The following OPA1 variants were observed in gnomAD, a reference collection of about 807,000 sequenced individuals.
OPA1 encodes dynamin-like GTPase OPA1, mitochondrial.
In OPA1, 59 loss-of-function variants were observed where a neutral mutation model predicts 152.9. That is an observed-to-expected ratio of 0.39 (90% CI 0.31 to 0.48). OPA1 has a LOEUF of 0.48. OPA1 is among the 20% of genes least tolerant of loss of function. The probability of loss-of-function intolerance (pLI) is 0.96; values close to 1 mark genes in which losing one functional copy is unlikely to be tolerated. For missense variants in OPA1, 1,008 were observed against 1,216.8 expected, an observed-to-expected ratio of 0.83 and a Z score of 2.55; for synonymous variants, 400 against 389.9, an observed-to-expected ratio of 1.03 and a Z score of -0.31.
At chr3:193,608,493 T>G (rs537413031) in intron 1 of OPA1, among the ~76,000 whole-genome samples, 2 of 152,352 alleles carry the variant, frequency 1.3e-5, no homozygotes, top group East Asian at 3.9e-4. Context: ...GTTGTTCAGT[T>G]TCCATGTAGT....
chr3:193,674,039 C>T (rs940157951), intron 29 of OPA1, among the ~76,000 whole-genome samples: 5 of 152,192 alleles, frequency 3.3e-5, no homozygotes, highest in Non-Finnish European at 5.9e-5. Flanking sequence ...GAGTCGGGCT[C>T]GCAGCAGCGT....
chr3:193,640,253 G>T (rs1329199407), intron 11 of OPA1, among the ~76,000 whole-genome samples: 1 of 152,124 alleles, frequency 6.6e-6, no homozygotes, highest in African/African-American at 2.4e-5. Context: ...AGTATATTCT[G>T]GGCACTCTGA....
chr3:193,605,304 T>C (rs1450850802), intron 1 of OPA1, among the ~76,000 whole-genome samples: 1 of 152,192 alleles, frequency 6.6e-6, no homozygotes, highest in African/African-American at 2.4e-5. Context: ...TAATTGCCTG[T>C]AAATCTGGAA....
chr3:193,608,929 G>A (rs1372065115), intron 1 of OPA1, among the ~76,000 whole-genome samples: 4 of 152,154 alleles, frequency 2.6e-5, no homozygotes, highest in Non-Finnish European at 5.9e-5. Context: ...AGCTCTTCTT[G>A]TTGAATTGAT....
chr3:193,677,033 G>A (rs996762363), intron 29 of OPA1, among the ~76,000 whole-genome samples: 4 of 141,958 alleles, frequency 2.8e-5, no homozygotes, highest in Non-Finnish European at 6.1e-5. Context: ...CAATAAATTA[G>A]TACAAGCGTA....
At chr3:193,618,577 G>T (rs1269013100) in intron 5 of OPA1, 2 of 368,224 alleles carry the variant, frequency 5.4e-6, no homozygotes, top group South Asian at 2.9e-5. Context: ...GTACTCTCAT[G>T]TAAAATAATC....
chr3:193,602,807 CT>C lies in OPA1; in HGVS notation c.32+9399del, dbSNP rs145601755. Among the ~76,000 whole-genome samples the C allele has an allele frequency of 7.2e-3, 1,104 of 152,308 alleles. 8 individuals are homozygous for C. Among genetic ancestry groups the C allele is most frequent in the African/African-American group, 0.021 (892 of 41,570 alleles). ...AACTTGCTCAGTAAAATGAGTTCCT[CT>C]ATCACTGGAGACTTTTAGAGGGATC... On this transcript the variant is annotated intron_variant, in intron 1 of 30. Transcript: ENST00000361510.
In OPA1 at chr3:193,614,776, C is replaced by A; in HGVS notation, c.86C>A (p.Pro29Gln). The A allele has an allele frequency of 1.2e-6, 2 of 1,614,012 alleles. No individual in the cohort carries two copies. The highest frequency in any genetic ancestry group is 1.7e-6 in the Non-Finnish European group (2 of 1,179,936). Residue 29 changes from proline (P) to glutamine (Q), a missense_variant, in exon 2 of 31, where the codon CCA (proline) becomes CAA (glutamine). Transcript: ENST00000361510. ...AGCTCTGGAATAAAAGGAAGTTTAC[C>A]ACTACAAAAACTACATCTGGTTTCA... The part of the protein sequence containing the change: ...KHSSGIKGSL[P>Q]LQKLHLVSRS...
At chr3:193,655,106 C>G in intron 22 of OPA1, 79 bp downstream of exon 22, 1 of 1,274,570 alleles carries the variant, frequency 7.8e-7, no homozygotes, top group South Asian at 1.2e-5. Context: ...ATTTTATTCC[C>G]ATCACAGCCT....
intron 1 of OPA1, among the ~76,000 whole-genome samples, chr3:193,599,429 C>A (rs569861638): frequency 1.2e-3 from 166 of 139,248 alleles, no homozygotes; most frequent in African/African-American, 4.4e-3. Context: ...TTTTGGTTTT[C>A]TTTTTGGTTT....
chr3:193,654,765 T>C (rs1713393679), intron 21 of OPA1, 97 bp from the exon 22 acceptor site: 13 of 1,273,854 alleles, frequency 1.0e-5, no homozygotes, highest in Admixed American at 2.0e-5. Flanking sequence ...ATTTTAAATA[T>C]GTACAGTTTA....
At chr3:193,666,238 C>T (rs777337316) in intron 27 of OPA1, 58 bp from the exon 28 acceptor site, 31 of 1,432,646 alleles carry the variant, frequency 2.2e-5, no homozygotes, top group Middle Eastern at 1.7e-4. Context: ...TATGTGTTTA[C>T]GATGATAGTT....
In OPA1 at chr3:193,637,403, A is replaced by G. The variant is rs1397467776; in HGVS notation, c.1035+122A>G. On this transcript the variant is annotated intron_variant, in intron 10 of 30. Coordinates refer to ENST00000361510, the MANE Select transcript of OPA1 (RefSeq NM_130837.3). ...ATACATACTAGATGTAGGCATTTAT[A>G]TTTTTTATGTAATCTTACATGTTCC... The G allele has an allele frequency of 3.5e-5, 19 of 537,134 alleles. No individual in the cohort carries two copies. In the East Asian group the frequency reaches 5.2e-4, roughly 15 times the overall value. The allele number at this position is 537,134 out of a possible 1,614,324, so 33.3% of individuals were successfully genotyped here.
intron 21 of OPA1, among the ~76,000 whole-genome samples, chr3:193,652,604 A>C (rs1417789354): frequency 6.6e-6 from 1 of 152,192 alleles, no homozygotes; most frequent in Admixed American, 6.5e-5. Context: ...ACTGCTGAAT[A>C]GCTTCATCTC....
chr3:193,596,964 A>C (rs944827717), intron 1 of OPA1: 1 of 152,252 alleles, frequency 6.6e-6, no homozygotes, highest in Non-Finnish European at 1.5e-5. Context: ...CCACACTGAG[A>C]TCAAATAAGT....
chr3:193,673,773 C>A (rs1299225516), intron 29 of OPA1, among the ~76,000 whole-genome samples: 1 of 152,190 alleles, frequency 6.6e-6, no homozygotes, highest in Non-Finnish European at 1.5e-5. Context: ...CTGAATACTT[C>A]AGAGCTGTAT....
At chr3:193,681,401 T>C (rs1044005519) in intron 29 of OPA1, among the ~76,000 whole-genome samples, 39 of 152,202 alleles carry the variant, frequency 2.6e-4, no homozygotes, top group African/African-American at 8.2e-4. Context: ...AGCTTACATA[T>C]ATCCTACGCA....
chr3:193,596,124 C>T (rs1189886983), intron 1 of OPA1, among the ~76,000 whole-genome samples: 2 of 151,836 alleles, frequency 1.3e-5, no homozygotes, highest in South Asian at 4.1e-4. Flanking sequence ...ATTCCGCCCC[C>T]ATCCTCCCAC....
At chr3:193,663,471 A>G (rs536042308) in intron 26 of OPA1, among the ~76,000 whole-genome samples, 19 of 152,114 alleles carry the variant, frequency 1.2e-4, no homozygotes, top group Non-Finnish European at 1.3e-4. Flanking sequence ...AAAATAGTCT[A>G]CACTTTAGGC....
Sources: gnomAD v4.1 joint callset for allele counts (sites outside exome capture counted in the v4.1 genomes callset) on GRCh38, gnomAD v4.1.1 for gene constraint, MANE v1.5 for transcripts, NCBI Gene and HGNC (gene_info 2026-07-23, HGNC 2026-07-21) for gene names.